The following ODAD4 variants were observed in gnomAD, a reference collection of about 807,000 sequenced individuals.
The protein encoded by ODAD4 is outer dynein arm docking complex subunit 4.
ODAD4 carries 49 observed loss-of-function variants against 51.8 expected under a neutral mutation model. That is an observed-to-expected ratio of 0.95 (90% confidence interval 0.75 to 1.20). The LOEUF (loss-of-function observed/expected upper bound fraction) is 1.20. Among genes scored for constraint, ODAD4 ranks in the 50% most tolerant of loss-of-function variants. The pLI is 0.00. For synonymous variants in ODAD4, 235 were observed against 221.3 expected, an observed-to-expected ratio of 1.06 and a Z score of -0.55; for missense variants, 590 against 586.5, an observed-to-expected ratio of 1.01 and a Z score of -0.06.
At chr17:41,951,678 G>A (rs879985304) in intron 9 of ODAD4, among the ~76,000 whole-genome samples, 14 of 151,388 alleles carry the variant, frequency 9.2e-5, no homozygotes, top group Admixed American at 5.3e-4. Context: ...GAGGTCAGGA[G>A]TTTGGTACCA....
Position 41,942,761 on chromosome 17 carries a change from G to C in ODAD4, c.1059-2375G>C, listed in dbSNP as rs150065590. On this transcript the variant is annotated intron_variant, in intron 7 of 11. Coordinates refer to ENST00000377540, the MANE Select transcript of ODAD4 (RefSeq NM_031421.5). ...GGTAGGTTAGGTGTGGCAGGGCTAGGGACCAGGGCCTGCAGGCAGTGGGAG... is the reference window on the plus strand; with the variant it reads ...GGTAGGTTAGGTGTGGCAGGGCTAGCGACCAGGGCCTGCAGGCAGTGGGAG... Among the ~76,000 whole-genome samples the C allele has an allele frequency of 1.5e-3, 229 of 152,328 alleles. 3 individuals carry two copies. The East Asian group carries it at 0.042, about 28-fold the overall frequency.
Position 41,930,815 on chromosome 17 carries a change from A to C in ODAD4, c.92A>C (p.Lys31Thr). ...CTCTACCTGTGCGGGGAATTTTCTA[A>C]AGCCGCGCAGAGCTTCAGCAACGTG... is the stretch of plus-strand genomic sequence containing the variant. ...ERLYLCGEFS[K>T]AAQSFSNALY... Residue 31 changes from lysine (K) to threonine (T), a missense_variant, in exon 1 of 12, where the codon AAA becomes ACA. Physicochemically the swap from Lys to Thr is moderately conservative, Grantham distance 78. Transcript: ENST00000377540. 1.3e-6 allele frequency: 2 copies of C among 1,583,254 alleles called. No homozygotes were observed. The highest frequency in any genetic ancestry group is 1.7e-6 in the Non-Finnish European group (2 of 1,162,318).
chr17:41,965,984 C>T lies in ODAD4; in HGVS notation c.*501C>T, dbSNP rs1266619019. 1.3e-5 allele frequency among the ~76,000 whole-genome samples: 2 copies of T among 152,116 alleles called. No homozygotes were observed. Among genetic ancestry groups the T allele is most frequent in the Non-Finnish European group, 2.9e-5 (2 of 68,022 alleles). On this transcript the variant is annotated 3_prime_UTR_variant, in exon 12 of 12. Transcript: ENST00000377540. ...AGTGAGGCCAAAGATAGGGGAGTGG[C>T]CTGGGAGTCGGGAGGGCAGACAGAC... is the stretch of plus-strand genomic sequence containing the variant.
chr17:41,952,540 C>CAAAAAAA (rs11369140), intron 9 of ODAD4: 26 of 113,856 alleles, frequency 2.3e-4, no homozygotes, highest in African/African-American at 7.4e-4. Flanking sequence ...ACCCTCACTC[C>CAAAAAAA]AAAAAAAAAA....
At chr17:41,937,631 C>T (rs782461228) in intron 5 of ODAD4, among the ~76,000 whole-genome samples, 9 of 152,180 alleles carry the variant, frequency 5.9e-5, no homozygotes, top group South Asian at 2.1e-4. Flanking sequence ...CAACCACATC[C>T]GGCTAATTTT....
intron 1 of ODAD4, 84 bp from the exon 2 acceptor site, chr17:41,935,133 C>T (rs2050406153): frequency 6.5e-7 from 1 of 1,526,740 alleles, no homozygotes; most frequent in East Asian, 2.3e-5. Flanking sequence ...ATCCCCTCTG[C>T]AGGAGGGTTT....
intron 8 of ODAD4, among the ~76,000 whole-genome samples, chr17:41,946,559 AGGTGATTCACCC>A (rs1187222984): frequency 6.6e-6 from 1 of 152,240 alleles, no homozygotes; most frequent in Non-Finnish European, 1.5e-5. Flanking sequence ...TCCTGACCTC[AGGTGATTCACCC>A]GCCATGGCGT....
chr17:41,945,314 C>A, intron 8 of ODAD4, 92 bp downstream of exon 8: 1 of 937,256 alleles, frequency 1.1e-6, no homozygotes. Flanking sequence ...AGAATCCAGC[C>A]TGGGCAACAT....
intron 10 of ODAD4, among the ~76,000 whole-genome samples, 175 bp from the exon 11 acceptor site, chr17:41,961,207 A>G (rs1347934217): frequency 1.3e-5 from 2 of 152,074 alleles, no homozygotes; most frequent in African/African-American, 4.8e-5. Context: ...TGTGTGGATC[A>G]TTCTGAGTCA....
In ODAD4 at chr17:41,939,249, G is replaced by T. The variant is rs1171869410; in HGVS notation, c.1058+77G>T. On this transcript the variant is annotated intron_variant, in intron 7 of 11. Transcript: ENST00000377540. ...GGGGCTATCTGAGGCCCTTGCCAGG[G>T]CTGCTGGTGGCTTGACTCCCATTTT... The T allele has an allele frequency of 1.1e-5, 15 of 1,382,572 alleles. No individual in the cohort carries two copies. The South Asian group carries it at 1.9e-4, about 18-fold the overall frequency. 85.6% of individuals were successfully genotyped at this position (1,382,572 alleles called of 1,614,324 possible).
chr17:41,952,398 G>A (rs1469640263), intron 9 of ODAD4, among the ~76,000 whole-genome samples: 1 of 147,782 alleles, frequency 6.8e-6, no homozygotes, highest in Non-Finnish European at 1.5e-5. Context: ...TTAGCTGAGT[G>A]TGGTGGCAGG....
chr17:41,956,979 A>C (rs558735737), intron 10 of ODAD4, among the ~76,000 whole-genome samples: 1 of 152,266 alleles, frequency 6.6e-6, no homozygotes, highest in East Asian at 1.9e-4. Context: ...ATCATAGCTT[A>C]CTGTAGGCTT....
At chr17:41,961,786 C>T (rs1250218081) in intron 11 of ODAD4, among the ~76,000 whole-genome samples, 1 of 152,220 alleles carries the variant, frequency 6.6e-6, no homozygotes, top group Non-Finnish European at 1.5e-5. Flanking sequence ...CATCCCTGCC[C>T]TGGAGGAGCC....
rs560789516 is a variant in ODAD4 at position 41,945,203 on chromosome 17, T to A, written c.1126T>A (p.Phe376Ile). The change falls in exon 8 of 12, where the codon TTC (phenylalanine) becomes ATC (isoleucine). Residue 376 changes from phenylalanine to isoleucine, a missense_variant. Phe to Ile is a conservative substitution (Grantham distance 21). Transcript: ENST00000377540. Reference protein sequence around the residue: ...IGRVFARVGKFQQAIDTWEEK... With the variant: ...IGRVFARVGKIQQAIDTWEEK... ...CAGAGTTTTTGCCAGAGTTGGGAAA[T>A]TCCAGCAAGCCATTGACACGTGAGT... 8.7e-6 allele frequency: 14 copies of A among 1,613,006 alleles called. No individual in the cohort carries two copies. The South Asian group carries it at 1.5e-4, about 18-fold the overall frequency.
At chr17:41,946,290 C>G (rs141992803) in intron 8 of ODAD4, among the ~76,000 whole-genome samples, 67 of 152,332 alleles carry the variant, frequency 4.4e-4, no homozygotes, top group African/African-American at 1.6e-3. Context: ...GAAATGCCCT[C>G]TCCATGACAC....
At chr17:41,955,841 T>C (rs1170285114) in intron 10 of ODAD4, among the ~76,000 whole-genome samples, 1 of 152,136 alleles carries the variant, frequency 6.6e-6, no homozygotes, top group Non-Finnish European at 1.5e-5. Flanking sequence ...AGACAGGGTC[T>C]CACTCCCGTT....
chr17:41,947,391 A>G (rs1017700585), intron 8 of ODAD4, among the ~76,000 whole-genome samples: 122 of 151,940 alleles, frequency 8.0e-4, no homozygotes, highest in African/African-American at 2.8e-3. Flanking sequence ...AGGCTGAGGC[A>G]GGAGAATTGC....
At chr17:41,950,044 A>G (rs1021775331) in intron 9 of ODAD4, among the ~76,000 whole-genome samples, 14 of 152,030 alleles carry the variant, frequency 9.2e-5, no homozygotes, top group Admixed American at 2.6e-4. Flanking sequence ...ATCTCAGCTC[A>G]CTGCAACCTT....
chr17:41,930,910 T>TTTTTTGATG (rs1598064259), intron 1 of ODAD4, 73 bp downstream of exon 1: 1 of 931,130 alleles, frequency 1.1e-6, no homozygotes. Context: ...TTTTTTTTTT[T>TTTTTTGATG]GTGACGGAGT....
Sources: allele counts gnomAD v4.1 joint callset (sites outside exome capture counted in the v4.1 genomes callset), GRCh38; gene constraint gnomAD v4.1.1; transcripts MANE v1.5; gene names NCBI Gene and HGNC (gene_info 2026-07-23, HGNC 2026-07-21).